EZH2: variants seen among roughly 807,000 people sequenced by gnomAD.
The protein encoded by EZH2 is histone-lysine N-methyltransferase EZH2.
A neutral mutation model predicts 98.4 loss-of-function variants in EZH2; 18 were observed. That is an observed-to-expected ratio of 0.18 (90% confidence interval 0.13 to 0.27). EZH2 has a LOEUF of 0.27. EZH2 is among the 10% of genes least tolerant of loss of function. The probability of loss-of-function intolerance (pLI) is 1.00; values close to 1 mark genes in which losing one functional copy is unlikely to be tolerated. For missense variants in EZH2, 470 were observed against 935.1 expected, an observed-to-expected ratio of 0.50 and a Z score of 6.49; for synonymous variants, 338 against 312.3, an observed-to-expected ratio of 1.08 and a Z score of -0.87.
chr7:148,869,204 AG>A (rs1239860593), intron 1 of EZH2, among the ~76,000 whole-genome samples: 26 of 152,204 alleles, frequency 1.7e-4, no homozygotes, highest in Admixed American at 3.3e-4. Context: ...ATTAAATGCC[AG>A]CTAGGGAGAA....
At chr7:148,833,471 T>A (rs12669147) in intron 3 of EZH2, among the ~76,000 whole-genome samples, 91 of 24,612 alleles carry the variant, frequency 3.7e-3, no homozygotes, top group Middle Eastern at 0.026. Context: ...AAAAAAAAAA[T>A]AAAATAAAAT....
chr7:148,808,041 G>A (rs1325884745), intron 19 of EZH2, among the ~76,000 whole-genome samples: 3 of 152,182 alleles, frequency 2.0e-5, no homozygotes, highest in African/African-American at 7.2e-5. Context: ...GGATGCTTAG[G>A]CCTGACGCTG....
intron 1 of EZH2, among the ~76,000 whole-genome samples, chr7:148,853,065 G>A (rs1412037004): frequency 6.6e-6 from 1 of 152,294 alleles, no homozygotes; most frequent in East Asian, 1.9e-4. Context: ...AAAGAGGGGA[G>A]AGGGTACATG....
rs1413876445 is a variant in EZH2, at chr7:148,807,503, A to G, written c.*143T>C. On this transcript the variant is annotated 3_prime_UTR_variant, in exon 20 of 20. Coordinates refer to ENST00000320356, the MANE Select transcript of EZH2 (RefSeq NM_004456.5). ...AAGGCAATAAAAAGTTGATTTTTAA[A>G]CTCATTACTATAAATTATTCTTACA... is the stretch of plus-strand genomic sequence containing the variant. 1 of 685,758 alleles carries G rather than the reference A, an allele frequency of 1.5e-6. No individual in the cohort carries two copies. Among genetic ancestry groups the G allele is most frequent in the African/African-American group, 1.8e-5 (1 of 55,550 alleles). The allele number at this position is 685,758 out of a possible 1,614,324, so 42.5% of individuals were successfully genotyped here.
At chr7:148,849,370 A>G (rs1028924451) in intron 1 of EZH2, among the ~76,000 whole-genome samples, 6 of 152,230 alleles carry the variant, frequency 3.9e-5, no homozygotes, top group African/African-American at 4.8e-5. Context: ...GGGGGCAACT[A>G]AAGTCTGGCT....
chr7:148,883,672 G>A (rs1238225050), intron 1 of EZH2, among the ~76,000 whole-genome samples: 2 of 150,178 alleles, frequency 1.3e-5, no homozygotes, highest in African/African-American at 2.4e-5. Flanking sequence ...CCCTCGCGCC[G>A]AGCCCTCCGG....
rs71529644 is a variant in EZH2, at chr7:148,859,505, AAACAACAAC to A, written c.-7-12209_-7-12201del. 4.9e-3 allele frequency among the ~76,000 whole-genome samples: 742 copies of A among 150,288 alleles called. 22 individuals are homozygous for A. The highest frequency in any genetic ancestry group is 0.035 in the Admixed American group (526 of 15,062). ...GCAACAGAGCAAGACTCTGTCTCAA[AAACAACAAC>A]AACAACAACAACAACAACAACAAAG... On this transcript the variant is annotated intron_variant, in intron 1 of 19. Transcript: ENST00000320356.
chr7:148,882,489 G>A (rs983247840), intron 1 of EZH2, among the ~76,000 whole-genome samples: 1 of 152,172 alleles, frequency 6.6e-6, no homozygotes, highest in Non-Finnish European at 1.5e-5. Context: ...TAACTTTAGA[G>A]ACCATGAATA....
intron 3 of EZH2, among the ~76,000 whole-genome samples, chr7:148,835,058 G>A (rs1387452467): frequency 6.6e-6 from 1 of 152,182 alleles, no homozygotes; most frequent in Admixed American, 6.5e-5. Flanking sequence ...TTACTGCACT[G>A]TAGTTCTTGC....
intron 9 of EZH2, 75 bp downstream of exon 9, chr7:148,819,521 G>T (rs772207602): frequency 8.4e-7 from 1 of 1,190,028 alleles, no homozygotes; most frequent in Non-Finnish European, 1.2e-6. Flanking sequence ...CAACATTAAC[G>T]CTGACTTGAT....
At position 148,881,451 on chromosome 7, in the gene EZH2, C is replaced by G. The variant is rs7782553; in HGVS notation, c.-8+2713G>C. The stretch of plus-strand genomic sequence containing the variant: ...AAAGTATCAGAACTTTTTCTAACTA[C>G]ACTAGATCAACAAGTGTGTTTTAAG... On this transcript the variant is annotated intron_variant, in intron 1 of 19. Coordinates refer to ENST00000320356, the MANE Select transcript of EZH2 (RefSeq NM_004456.5). Among the ~76,000 whole-genome samples the G allele has an allele frequency of 5.1e-3, 773 of 152,288 alleles. 8 individuals are homozygous for G. Among genetic ancestry groups the G allele is most frequent in the African/African-American group, 0.017 (701 of 41,548 alleles).
intron 1 of EZH2, among the ~76,000 whole-genome samples, chr7:148,861,411 G>C (rs568946359): frequency 7.7e-4 from 117 of 152,016 alleles, no homozygotes; most frequent in African/African-American, 2.7e-3. Context: ...ATTTTTAGTA[G>C]AGACAGGGTT....
At chr7:148,830,513 A>T (rs572084351) in intron 4 of EZH2, among the ~76,000 whole-genome samples, 5 of 152,376 alleles carry the variant, frequency 3.3e-5, no homozygotes, top group Admixed American at 3.3e-4. Flanking sequence ...AAAAAATGTA[A>T]GACATCCAAT....
chr7:148,865,405 G>T (rs772515348), intron 1 of EZH2, among the ~76,000 whole-genome samples: 1 of 152,080 alleles, frequency 6.6e-6, no homozygotes, highest in Admixed American at 6.6e-5. Context: ...TAAATACAAG[G>T]GTTCTACCCA....
chr7:148,878,855 C>T (rs10246002), intron 1 of EZH2, among the ~76,000 whole-genome samples: 113,303 of 151,264 alleles, frequency 0.75, 43,341 homozygotes, highest in African/African-American at 0.92. Flanking sequence ...ACTGAGATCA[C>T]GCATCTGCAC....
intron 1 of EZH2, among the ~76,000 whole-genome samples, chr7:148,866,556 A>ATATATATACGTATATACACATATATACG (rs1563063346): frequency 8.0e-6 from 1 of 125,648 alleles, no homozygotes; most frequent in African/African-American, 2.9e-5. Context: ...ATATATATAC[A>ATATATATACGTATATACACATATATACG]TATATACATA....
At chr7:148,826,838 T>C (rs1807847318) in intron 7 of EZH2, among the ~76,000 whole-genome samples, 1 of 152,238 alleles carries the variant, frequency 6.6e-6, no homozygotes, top group Non-Finnish European at 1.5e-5. Flanking sequence ...AAATATATCA[T>C]GGAAAAGGAT....
chr7:148,810,146 C>T lies in EZH2; in HGVS notation c.2029+187G>A, dbSNP rs1802626382. 4 of 474,672 alleles carry T rather than the reference C, an allele frequency of 8.4e-6. No homozygotes were observed. The South Asian group carries it at 1.6e-4, about 19-fold the overall frequency. The allele number at this position is 474,672 out of a possible 1,614,324, so 29.4% of individuals were successfully genotyped here. Reference sequence around the variant, plus strand: ...TCCAGAGAGGCGGTTTCCTGCACATCTAGTCTATCTGCTCCCTGAGGAATT... The same window carrying T: ...TCCAGAGAGGCGGTTTCCTGCACATTTAGTCTATCTGCTCCCTGAGGAATT... On this transcript the variant is annotated intron_variant, in intron 17 of 19. Transcript: ENST00000320356.
chr7:148,860,718 C>A (rs959588201), intron 1 of EZH2, among the ~76,000 whole-genome samples: 9 of 152,186 alleles, frequency 5.9e-5, no homozygotes, highest in African/African-American at 2.2e-4. Flanking sequence ...CTGGCCCTGG[C>A]TGAAGTGCAC....
Sources: gnomAD v4.1 joint callset for allele counts (sites outside exome capture counted in the v4.1 genomes callset) on GRCh38, gnomAD v4.1.1 for gene constraint, MANE v1.5 for transcripts, NCBI Gene and HGNC (gene_info 2026-07-23, HGNC 2026-07-21) for gene names.